The following AGBL4 variants were observed in gnomAD, a reference collection of about 807,000 sequenced individuals.
The protein encoded by AGBL4 is cytosolic carboxypeptidase 6.
Under a neutral mutation model 66.4 loss-of-function variants are expected in AGBL4, and 58 were observed. That is an observed-to-expected ratio of 0.87 (90% CI 0.71 to 1.09). AGBL4 has a LOEUF of 1.09. Among genes scored for constraint, AGBL4 ranks in the 50% least tolerant of loss-of-function variants. The pLI, the probability that AGBL4 is intolerant of heterozygous loss-of-function variation, is 0.00. For synonymous variants in AGBL4, 234 were observed against 222.9 expected, an observed-to-expected ratio of 1.05 and a Z score of -0.44; for missense variants, 579 against 631.0, an observed-to-expected ratio of 0.92 and a Z score of 0.88.
At chr1:49,914,541 G>A (rs1259688171) in intron 1 of AGBL4, among the ~76,000 whole-genome samples, 2 of 152,076 alleles carry the variant, frequency 1.3e-5, no homozygotes, top group African/African-American at 2.4e-5. Flanking sequence ...TAGATCTCTT[G>A]AGCCCTCACC....
intron 3 of AGBL4, among the ~76,000 whole-genome samples, chr1:49,285,797 T>C (rs565580037): frequency 4.0e-4 from 61 of 152,058 alleles, no homozygotes; most frequent in Non-Finnish European, 7.7e-4. Flanking sequence ...CCTCCACACA[T>C]ACACTCTCCC....
chr1:48,714,369 C>G (rs1200583796), intron 6 of AGBL4, among the ~76,000 whole-genome samples: 1 of 152,212 alleles, frequency 6.6e-6, no homozygotes, highest in Non-Finnish European at 1.5e-5. Context: ...ACTGTCCACC[C>G]ACTCAGCCAA....
At chr1:48,879,358 C>CTTTCT (rs1649539712) in intron 5 of AGBL4, among the ~76,000 whole-genome samples, 2 of 151,986 alleles carry the variant, frequency 1.3e-5, no homozygotes, top group Admixed American at 6.6e-5. Flanking sequence ...AAAGATGTCT[C>CTTTCT]TTTCTTTCCT....
chr1:49,281,853 CCCATATATTTCTT>C (rs1183482655), intron 3 of AGBL4, among the ~76,000 whole-genome samples: 2 of 152,160 alleles, frequency 1.3e-5, no homozygotes, highest in Admixed American at 6.5e-5. Flanking sequence ...TATATCTTGC[CCCATATATTTCTT>C]CATGTGGCAG....
At chr1:48,956,158 T>C (rs1366514326) in intron 5 of AGBL4, among the ~76,000 whole-genome samples, 1 of 152,206 alleles carries the variant, frequency 6.6e-6, no homozygotes, top group African/African-American at 2.4e-5. Context: ...GGATTACTTA[T>C]AAAACCCAAA....
chr1:49,921,383 T>G (rs1465921224), intron 1 of AGBL4, among the ~76,000 whole-genome samples: 1 of 152,114 alleles, frequency 6.6e-6, no homozygotes, highest in Non-Finnish European at 1.5e-5. Context: ...AAAATTTATA[T>G]TCATAATTTT....
intron 3 of AGBL4, among the ~76,000 whole-genome samples, chr1:49,434,476 A>AACC (rs1169142402): frequency 6.6e-6 from 1 of 152,176 alleles, no homozygotes; most frequent in African/African-American, 2.4e-5. Flanking sequence ...TAAAGCAAAG[A>AACC]ACCACCTCTG....
intron 3 of AGBL4, among the ~76,000 whole-genome samples, chr1:49,275,739 C>T (rs1355016245): frequency 6.6e-6 from 1 of 152,018 alleles, no homozygotes; most frequent in Non-Finnish European, 1.5e-5. Flanking sequence ...TCTTTCTTGA[C>T]TACAAGTCTC....
chr1:48,695,762 A>G (rs1283918842), intron 6 of AGBL4, among the ~76,000 whole-genome samples: 4 of 152,192 alleles, frequency 2.6e-5, no homozygotes, highest in African/African-American at 9.7e-5. Flanking sequence ...AGGCACCCCC[A>G]TTTATGAAAA....
At chr1:49,614,441 T>G (rs1645213739) in intron 3 of AGBL4, among the ~76,000 whole-genome samples, 1 of 152,222 alleles carries the variant, frequency 6.6e-6, no homozygotes, top group Non-Finnish European at 1.5e-5. Flanking sequence ...TAACACAATG[T>G]GTCAATTATA....
intron 3 of AGBL4, among the ~76,000 whole-genome samples, chr1:49,404,689 T>A (rs1259545582): frequency 6.6e-6 from 1 of 152,216 alleles, no homozygotes; most frequent in Non-Finnish European, 1.5e-5. Context: ...AAATTATGAA[T>A]TCTTTATGTC....
At chr1:48,608,562 G>A (rs1291843238) in intron 9 of AGBL4, among the ~76,000 whole-genome samples, 1 of 152,002 alleles carries the variant, frequency 6.6e-6, no homozygotes, top group African/African-American at 2.4e-5. Flanking sequence ...TGGATGGATG[G>A]ATGGATGGAT....
chr1:48,722,251 T>A (rs998675528), intron 6 of AGBL4, among the ~76,000 whole-genome samples: 6 of 152,004 alleles, frequency 3.9e-5, no homozygotes, highest in Admixed American at 3.9e-4. Flanking sequence ...TAAGATGAAA[T>A]GGAACAGGGA....
At chr1:49,671,320 T>C (rs1006108639) in intron 3 of AGBL4, among the ~76,000 whole-genome samples, 1 of 152,100 alleles carries the variant, frequency 6.6e-6, no homozygotes, top group African/African-American at 2.4e-5. Flanking sequence ...TTACACTATA[T>C]ACAAAAATCA....
chr1:49,366,579 T>C (rs553786140), intron 3 of AGBL4, among the ~76,000 whole-genome samples: 1 of 152,324 alleles, frequency 6.6e-6, no homozygotes, highest in South Asian at 2.1e-4. Context: ...ACTTAGAAAT[T>C]GTCATAGCTT....
At chr1:49,385,426 C>A (rs577243031) in intron 3 of AGBL4, among the ~76,000 whole-genome samples, 24 of 151,660 alleles carry the variant, frequency 1.6e-4, no homozygotes, top group African/African-American at 5.6e-4. Flanking sequence ...ATGGTGAGAT[C>A]TTGGACCTAT....
At chr1:49,747,901 G>C (rs1651112400) in intron 2 of AGBL4, among the ~76,000 whole-genome samples, 1 of 151,864 alleles carries the variant, frequency 6.6e-6, no homozygotes. Context: ...GTATTTGACA[G>C]GGTTATCCAA....
chr1:49,366,445 A>AT (rs1644243048), intron 3 of AGBL4, among the ~76,000 whole-genome samples: 1 of 152,162 alleles, frequency 6.6e-6, no homozygotes, highest in African/African-American at 2.4e-5. Flanking sequence ...TCAAGTAATA[A>AT]TTTTTTCCAC....
At chr1:49,918,982 C>T (rs923232118) in intron 1 of AGBL4, among the ~76,000 whole-genome samples, 2 of 152,078 alleles carry the variant, frequency 1.3e-5, no homozygotes, top group African/African-American at 4.8e-5. Context: ...AAGACAAAAA[C>T]CACATGATTA....
Sources: allele counts gnomAD v4.1 joint callset (sites outside exome capture counted in the v4.1 genomes callset), GRCh38; gene constraint gnomAD v4.1.1; transcripts MANE v1.5; gene names NCBI Gene and HGNC (gene_info 2026-07-23, HGNC 2026-07-21).